Variants in SPEG observed in about 807,000 individuals in gnomAD.
SPEG encodes striated muscle preferentially expressed protein kinase.
Under a neutral mutation model 300.4 loss-of-function variants are expected in SPEG, and 114 were observed. That is an observed-to-expected ratio of 0.38 (90% CI 0.33 to 0.44). The LOEUF (loss-of-function observed/expected upper bound fraction) is 0.44. Among genes scored for constraint, SPEG ranks in the 20% least tolerant of loss-of-function variants. SPEG has a pLI of 1.00. For synonymous variants in SPEG, 1,964 were observed against 2,018.9 expected (o/e 0.97, Z 0.73); for missense variants, 4,201 against 4,586.2 (o/e 0.92, Z 2.43).
chr2:219,452,606 AG>A (rs1422293234), intron 6 of SPEG, among the ~76,000 whole-genome samples: 1 of 151,834 alleles, frequency 6.6e-6, no homozygotes, highest in Non-Finnish European at 1.5e-5. Context: ...CCTGGATCAG[AG>A]GACCTAGGTT....
At position 219,493,027 on chromosome 2, in the gene SPEG, C is replaced by T. The variant is rs878880051; in HGVS notation, c.*241C>T. The T allele has an allele frequency of 1.0e-5, 7 of 697,798 alleles. No individual in the cohort carries two copies. Among genetic ancestry groups the T allele is most frequent in the Non-Finnish European group, 1.8e-5 (7 of 382,570 alleles). The allele number at this position is 697,798 out of a possible 1,614,324, so 43.2% of individuals were successfully genotyped here. ...TTGGTCAGGCTCAGCAGGGTGGGAA[C>T]AGGCAGAGGGACAAGAGGGGAATGG... On this transcript the variant is annotated 3_prime_UTR_variant, in exon 41 of 41. Transcript: ENST00000312358.
chr2:219,460,843 C>G (rs558148351), intron 6 of SPEG: 1 of 986,150 alleles, frequency 1.0e-6, no homozygotes, highest in Admixed American at 6.1e-5. Flanking sequence ...CTGGGTCAGC[C>G]GAGTGAGTGG....
At position 219,469,057 on chromosome 2, in the gene SPEG, G is replaced by A. The variant is rs201202480; in HGVS notation, c.3491+9G>A. The A allele has an allele frequency of 2.9e-4, 465 of 1,610,094 alleles. 1 individual carries two copies. Among genetic ancestry groups the A allele is most frequent in the African/African-American group, 5.5e-4 (41 of 74,798 alleles). On this transcript the variant is annotated intron_variant, in intron 12 of 40. Transcript: ENST00000312358. ...GCCGCCTCAGGCCCCAGGTACCACC[G>A]GGGCCCCAAATGATGCTGGGGCTGC... is the stretch of plus-strand genomic sequence containing the variant.
Position 219,478,115 on chromosome 2 carries a change from G to A in SPEG, c.5027+10G>A, listed in dbSNP as rs1692517117. On this transcript the variant is annotated intron_variant, in intron 22 of 40. Transcript: ENST00000312358. The stretch of plus-strand genomic sequence containing the variant: ...TCATTGTCACCGAGCTGTATCCTGG[G>A]ACAGGCTGGGGGCTAGGGGGATCCA... The A allele has an allele frequency of 1.2e-6, 2 of 1,611,812 alleles. No individual in the cohort carries two copies. The highest frequency in any genetic ancestry group is 2.7e-5 in the African/African-American group (2 of 74,886).
Position 219,483,858 on chromosome 2 carries a change from C to T in SPEG, c.6395C>T (p.Ser2132Phe). 1 of 1,594,340 alleles carries T rather than the reference C, an allele frequency of 6.3e-7. No individual in the cohort carries two copies. Among genetic ancestry groups the T allele is most frequent in the African/African-American group, 1.3e-5 (1 of 74,818 alleles). ...NRGLQKSSSF[S>F]QGEAEPRGRH... is the part of the protein sequence containing the mutation. ...GGCCTGCAAAAGAGCAGCAGCTTCT[C>T]CCAGGGTGAGGCGGAGCCCCGGGGC... Residue 2132 changes from serine (S) to phenylalanine (F), a missense_variant, in exon 30 of 41, where the codon TCC becomes TTC. This residue lies in a region of SPEG where 1,578 missense variants were observed against 1,506.0 expected (regional missense o/e 1.05). Coordinates refer to ENST00000312358, the MANE Select transcript of SPEG (RefSeq NM_005876.5).
At chr2:219,471,644 G>T in intron 13 of SPEG, 1 of 576,776 alleles carries the variant, frequency 1.7e-6, no homozygotes, top group Non-Finnish European at 3.1e-6. Flanking sequence ...AGACCAGAGG[G>T]GCCAGGGCAG....
Position 219,481,569 on chromosome 2 carries a change from T to C in SPEG, c.5523-69T>C. On this transcript the variant is annotated intron_variant, in intron 27 of 40. Transcript: ENST00000312358. This position sits in a 1 kb window ranked among gnomAD's most constrained non-coding sequence, Gnocchi z 5.4. The stretch of plus-strand genomic sequence containing the variant: ...CAAGCCCCCAACTCCTTAGGAGCCC[T>C]GTTTGCTCAGTTATTGACTCACTGA... 3.7e-6 allele frequency: 6 copies of C among 1,607,130 alleles called. No homozygotes were observed. The South Asian group carries it at 6.6e-5, about 18-fold the overall frequency.
Position 219,451,386 on chromosome 2 carries a change from G to A in SPEG, c.2257+107G>A. 1 of 1,425,482 alleles carries A rather than the reference G, an allele frequency of 7.0e-7. No homozygotes were observed. Among genetic ancestry groups the A allele is most frequent in the East Asian group, 2.4e-5 (1 of 40,818 alleles). The allele number at this position is 1,425,482 out of a possible 1,614,324, so 88.3% of individuals were successfully genotyped here. ...CTCCAAGGGAGGGGTGGGAAAGAGG[G>A]GAATTATCCCCTCCACGGGGGCTGC... On this transcript the variant is annotated intron_variant, in intron 5 of 40. Coordinates refer to ENST00000312358, the MANE Select transcript of SPEG (RefSeq NM_005876.5). This position sits in a 1 kb window ranked among gnomAD's most constrained non-coding sequence, Gnocchi z 6.4.
intron 38 of SPEG, 23 bp from the exon 39 acceptor site, chr2:219,491,771 G>C (rs762726027): frequency 1.2e-6 from 2 of 1,609,938 alleles, no homozygotes; most frequent in Non-Finnish European, 8.5e-7. Context: ...AGCTGGGTCA[G>C]CTTGGCCTCT....
At chr2:219,490,331 C>G (rs945972061) in intron 36 of SPEG, 78 bp from the exon 37 acceptor site, 110 of 1,534,416 alleles carry the variant, frequency 7.2e-5, no homozygotes, top group Non-Finnish European at 8.3e-5. Flanking sequence ...GGTCCCTGCT[C>G]TCCTCCGTTA....
intron 9 of SPEG, chr2:219,465,887 ATGTGTGCGTATG>A: frequency 1.6e-6 from 1 of 616,326 alleles, no homozygotes; most frequent in South Asian, 1.9e-5. Flanking sequence ...GTGCGTGTGC[ATGTGTGCGTATG>A]GGTGTGTGCA....
chr2:219,483,876 C>G lies in SPEG; in HGVS notation c.6413C>G (p.Pro2138Arg). 6.3e-7 allele frequency: 1 copy of G among 1,597,598 alleles called. No homozygotes were observed. The highest frequency in any genetic ancestry group is 1.7e-5 in the Admixed American group (1 of 59,182). Residue 2138 changes from proline (P) to arginine (R), a missense_variant, in exon 30 of 41, where the codon CCC (proline) becomes CGC (arginine). Physicochemically the swap from Pro to Arg is moderately radical, Grantham distance 103. Transcript: ENST00000312358. Reference protein sequence around the residue: ...SSSFSQGEAEPRGRHRRAGAP... With the variant: ...SSSFSQGEAERRGRHRRAGAP... The stretch of plus-strand genomic sequence containing the variant: ...AGCTTCTCCCAGGGTGAGGCGGAGC[C>G]CCGGGGCCGGCACCGCCGAGCGGGG...
chr2:219,436,317 T>C (rs927781682), intron 1 of SPEG, among the ~76,000 whole-genome samples: 1 of 152,002 alleles, frequency 6.6e-6, no homozygotes, highest in African/African-American at 2.4e-5. Context: ...TTGGATCCAT[T>C]TGGGGGCTTC....
Position 219,489,815 on chromosome 2 carries a change from A to C in SPEG, c.8797A>C (p.Ser2933Arg). Residue 2933 changes from serine to arginine, a missense_variant, in exon 36 of 41, where the codon AGC becomes CGC. Ser to Arg is a moderately radical substitution (Grantham distance 110). This residue lies in a region of SPEG where 1,578 missense variants were observed against 1,506.0 expected (regional missense o/e 1.05). Coordinates refer to ENST00000312358, the MANE Select transcript of SPEG (RefSeq NM_005876.5). ...EPTKVTVQSL[S>R]PAKEVVSSPG... ...TACCAAGGTGACTGTGCAGAGCCTC[A>C]GCCCGGCCAAGGAGGTGGTCAGCTC... 6.2e-7 allele frequency: 1 copy of C among 1,613,490 alleles called. No homozygotes were observed. Among genetic ancestry groups the C allele is most frequent in the Non-Finnish European group, 8.5e-7 (1 of 1,179,876 alleles).
At position 219,473,710 on chromosome 2, in the gene SPEG, C is replaced by G; in HGVS notation, c.4272-18C>G. Reference sequence around the variant, plus strand: ...CTGGGGCAAGATCTGGGTGACCTCCCTGTCATGTGTCCCCTAGCTGCCGAG... The same window carrying G: ...CTGGGGCAAGATCTGGGTGACCTCCGTGTCATGTGTCCCCTAGCTGCCGAG... On this transcript the variant is annotated intron_variant, in intron 17 of 40. Coordinates refer to ENST00000312358, the MANE Select transcript of SPEG (RefSeq NM_005876.5). This position sits in a 1 kb window ranked among gnomAD's most constrained non-coding sequence, Gnocchi z 4.6. 6.2e-7 allele frequency: 1 copy of G among 1,612,858 alleles called. No individual in the cohort carries two copies. The highest frequency in any genetic ancestry group is 8.5e-7 in the Non-Finnish European group (1 of 1,179,132).
Position 219,480,544 on chromosome 2 carries a change from G to T in SPEG, c.5343-127G>T. On this transcript the variant is annotated intron_variant, in intron 25 of 40. Coordinates refer to ENST00000312358, the MANE Select transcript of SPEG (RefSeq NM_005876.5). This position sits in a 1 kb window ranked among gnomAD's most constrained non-coding sequence, Gnocchi z 5.3. ...GGTCCTCCCTGAAGAAGCCACTCCT[G>T]TGCCCATTGTCCATGGCAGTGTTCC... is the stretch of plus-strand genomic sequence containing the variant. 1.1e-6 allele frequency: 1 copy of T among 950,762 alleles called. No individual in the cohort carries two copies. 58.9% of individuals were successfully genotyped at this position (950,762 alleles called of 1,614,324 possible).
chr2:219,488,299 C>G lies in SPEG; in HGVS notation c.7847C>G (p.Ser2616Cys). 2 of 1,609,808 alleles carry G rather than the reference C, an allele frequency of 1.2e-6. No homozygotes were observed. The highest frequency in any genetic ancestry group is 1.7e-6 in the Non-Finnish European group (2 of 1,177,758). Residue 2616 changes from serine (S) to cysteine (C), a missense_variant, in exon 32 of 41, where the codon TCC becomes TGC. By Grantham distance (112) the Ser-to-Cys change is moderately radical. Around this residue, in one of 4 missense-constraint regions of SPEG, gnomAD observed 1,578 missense variants for 1,506.0 expected, o/e 1.05. Coordinates refer to ENST00000312358, the MANE Select transcript of SPEG (RefSeq NM_005876.5). ...LPAACPAPHISWMKDKKSLRS... is the reference protein window; with the variant it reads ...LPAACPAPHICWMKDKKSLRS... ...GCGGCCTGCCCTGCACCGCACATCT[C>G]CTGGATGAAAGGTAAGGAGACTCTG... is the stretch of plus-strand genomic sequence containing the variant.
At position 219,472,950 on chromosome 2, in the gene SPEG, C is replaced by A. The variant is rs756162814; in HGVS notation, c.4001C>A (p.Ala1334Glu). The A allele has an allele frequency of 1.2e-6, 2 of 1,613,756 alleles. No individual in the cohort carries two copies. The highest frequency in any genetic ancestry group is 3.3e-5 in the Admixed American group (2 of 60,006). ...GTGCTGGGCTCGGACCAGTGGACGG[C>A]ACTGGTCACAGGCCTGCGGGAGCCA... Reference protein sequence around the residue: ...HQVLGSDQWTALVTGLREPGW... With the variant: ...HQVLGSDQWTELVTGLREPGW... Residue 1334 changes from alanine to glutamate, a missense_variant, in exon 16 of 41, where the codon GCA (alanine) becomes GAA (glutamate). Ala to Glu is a moderately radical substitution (Grantham distance 107). Coordinates refer to ENST00000312358, the MANE Select transcript of SPEG (RefSeq NM_005876.5).
intron 9 of SPEG, chr2:219,465,786 G>A: frequency 1.7e-6 from 1 of 575,226 alleles, no homozygotes; most frequent in East Asian, 3.1e-5. Context: ...GCCCTAGCCA[G>A]GTCTGCGTGC....
Sources: gnomAD v4.1 joint callset for allele counts (sites outside exome capture counted in the v4.1 genomes callset) on GRCh38, gnomAD v4.1.1 for gene constraint, gnomAD v4.1.1 regional missense constraint, Gnocchi (gnomAD v3.1) non-coding constraint, MANE v1.5 for transcripts, NCBI Gene and HGNC (gene_info 2026-07-23, HGNC 2026-07-21) for gene names.